Variants in TRIO observed in about 807,000 individuals in gnomAD.
TRIO encodes triple functional domain protein.
TRIO carries 58 observed loss-of-function variants against 351.9 expected under a neutral mutation model. The observed-to-expected ratio is 0.16, with a 90% CI of 0.13 to 0.21. The LOEUF (loss-of-function observed/expected upper bound fraction) is 0.21, where lower values mean the gene tolerates loss of function less well. TRIO is among the 10% of genes least tolerant of loss of function. The pLI, the probability that TRIO is intolerant of heterozygous loss-of-function variation, is 1.00. For missense variants in TRIO, 3,201 were observed against 4,027.8 expected (o/e 0.79, Z 5.56); for synonymous variants, 1,758 against 1,595.7 (o/e 1.10, Z -2.42).
intron 34 of TRIO, chr5:14,420,234 T>A: frequency 1.5e-6 from 1 of 671,700 alleles, no homozygotes; most frequent in Non-Finnish European, 2.4e-6. Flanking sequence ...ATGAGTGATC[T>A]CCTCACTTCC....
chr5:14,345,394 T>C (rs1742330472), intron 11 of TRIO, among the ~76,000 whole-genome samples: 1 of 152,238 alleles, frequency 6.6e-6, no homozygotes, highest in Non-Finnish European at 1.5e-5. Context: ...TTTTATAGTT[T>C]CTTGCTGAGG....
intron 41 of TRIO, among the ~76,000 whole-genome samples, chr5:14,478,208 A>G (rs1755232941): frequency 6.6e-6 from 1 of 152,358 alleles, no homozygotes; most frequent in Middle Eastern, 3.4e-3. Flanking sequence ...AAGAATGTTA[A>G]AAACGTGTAT....
intron 16 of TRIO, among the ~76,000 whole-genome samples, chr5:14,367,541 C>G (rs936608887): frequency 2.6e-5 from 4 of 152,176 alleles, no homozygotes; most frequent in Non-Finnish European, 1.5e-5. Flanking sequence ...CCAGAACTGT[C>G]GCAAAATGAC....
chr5:14,313,773 C>A (rs1481216370), intron 8 of TRIO, among the ~76,000 whole-genome samples: 1 of 152,184 alleles, frequency 6.6e-6, no homozygotes, highest in Non-Finnish European at 1.5e-5. Flanking sequence ...TTCTTGGCGG[C>A]AAGGAGGAGG....
chr5:14,291,170 G>A lies in TRIO; in HGVS notation c.995G>A (p.Arg332Lys). The stretch of plus-strand genomic sequence containing the variant: ...CATCTGCACCAGATGTGGCATGTGA[G>A]GAAGCTGAAGCTGGACCAGTGCTTC... ...RQHLHQMWHV[R>K]KLKLDQCFQL... is the part of the protein sequence containing the mutation. Residue 332 changes from arginine (R) to lysine (K), a missense_variant, in exon 5 of 57, where the codon AGG (arginine) becomes AAG (lysine). Arg to Lys is a conservative substitution (Grantham distance 26). Around this residue, in one of 19 missense-constraint regions of TRIO, gnomAD observed 349 missense variants for 449.3 expected, o/e 0.78. Transcript: ENST00000344204. 6.2e-7 allele frequency: 1 copy of A among 1,614,206 alleles called. No homozygotes were observed. Among genetic ancestry groups the A allele is most frequent in the Non-Finnish European group, 8.5e-7 (1 of 1,180,036 alleles).
intron 18 of TRIO, among the ~76,000 whole-genome samples, chr5:14,373,835 G>C (rs190542511): frequency 6.6e-6 from 1 of 152,326 alleles, no homozygotes; most frequent in Admixed American, 6.5e-5. Context: ...ACCCTACGTA[G>C]AAATCCAGGC....
intron 1 of TRIO, among the ~76,000 whole-genome samples, chr5:14,251,412 A>T (rs1581448657): frequency 6.6e-6 from 1 of 152,224 alleles, no homozygotes; most frequent in Non-Finnish European, 1.5e-5. Context: ...AAATCATGGC[A>T]CCCAAATCCG....
intron 1 of TRIO, among the ~76,000 whole-genome samples, chr5:14,265,671 C>T (rs1425118718): frequency 6.6e-6 from 1 of 152,160 alleles, no homozygotes; most frequent in Non-Finnish European, 1.5e-5. Context: ...TTCTGGTCAT[C>T]AGTGACTAGC....
chr5:14,336,329 C>G (rs1383284427), intron 10 of TRIO, among the ~76,000 whole-genome samples: 1 of 152,136 alleles, frequency 6.6e-6, no homozygotes, highest in East Asian at 1.9e-4. Flanking sequence ...ATATGGGGTT[C>G]AAAGTTTAAC....
intron 1 of TRIO, among the ~76,000 whole-genome samples, chr5:14,184,907 G>A (rs1042219543): frequency 6.6e-6 from 1 of 152,078 alleles, no homozygotes; most frequent in African/African-American, 2.4e-5. Flanking sequence ...CACGTTTAGT[G>A]TTCTCACTCC....
In TRIO at chr5:14,270,798, A is replaced by AT. The variant is rs761432083; in HGVS notation, c.158-23dup. 1.3e-5 allele frequency: 20 copies of AT among 1,599,610 alleles called. No homozygotes were observed. The South Asian group carries it at 2.0e-4, about 16-fold the overall frequency. ...TAACTGTCACTCTGGCAACCCAGTAATTTTATTTTCTCCTTCTGTATTTCA... is the reference window on the plus strand; with the variant it reads ...TAACTGTCACTCTGGCAACCCAGTAATTTTTATTTTCTCCTTCTGTATTTCA... On this transcript the variant is annotated intron_variant, in intron 1 of 56. Coordinates refer to ENST00000344204, the MANE Select transcript of TRIO (RefSeq NM_007118.4).
Position 14,488,221 on chromosome 5 carries a change from G to A in TRIO, c.7593G>A (p.Ser2531=), listed in dbSNP as rs267600468. 3.1e-6 allele frequency: 5 copies of A among 1,589,842 alleles called. No individual in the cohort carries two copies. The highest frequency in any genetic ancestry group is 1.1e-5 in the South Asian group (1 of 89,468). The stretch of plus-strand genomic sequence containing the variant: ...CTGACCGCATGAGCACGTGCTCCTC[G>A]GCCAGCGAGCAGTCCGTGCAGTCCA... ...KDTDRMSTCS[S]ASEQSVQSTQ... The change falls in exon 48 of 57, where the codon TCG becomes TCA. Residue 2531 remains serine (S), a synonymous_variant. Transcript: ENST00000344204.
At chr5:14,297,841 T>C (rs938782797) in intron 7 of TRIO, among the ~76,000 whole-genome samples, 5 of 152,152 alleles carry the variant, frequency 3.3e-5, no homozygotes, top group Non-Finnish European at 1.5e-5. Context: ...GCAGCACACC[T>C]CAGCTCCACG....
chr5:14,423,789 G>A (rs908099902), intron 34 of TRIO, among the ~76,000 whole-genome samples: 4 of 152,198 alleles, frequency 2.6e-5, no homozygotes, highest in African/African-American at 7.2e-5. Context: ...ACCCTGTCCT[G>A]GGGAGGGCCT....
intron 18 of TRIO, 93 bp downstream of exon 18, chr5:14,369,616 C>A: frequency 2.8e-6 from 4 of 1,438,020 alleles, no homozygotes; most frequent in Non-Finnish European, 3.7e-6. Flanking sequence ...GGGAGCCTGC[C>A]CCACACCTCT....
chr5:14,194,555 G>T (rs1033298214), intron 1 of TRIO, among the ~76,000 whole-genome samples: 1 of 152,200 alleles, frequency 6.6e-6, no homozygotes, highest in Non-Finnish European at 1.5e-5. Flanking sequence ...TTGAAATTCA[G>T]TGAAATCCAT....
chr5:14,424,879 C>G (rs1334680000), intron 34 of TRIO, among the ~76,000 whole-genome samples: 1 of 152,208 alleles, frequency 6.6e-6, no homozygotes, highest in Non-Finnish European at 1.5e-5. Context: ...TCTCCAAGCT[C>G]TCTCCCAAGG....
intron 1 of TRIO, among the ~76,000 whole-genome samples, chr5:14,162,859 T>C (rs1187518494): frequency 6.6e-6 from 1 of 152,212 alleles, no homozygotes; most frequent in South Asian, 2.1e-4. Context: ...CAGGCTGGCA[T>C]GCAGTGGCAC....
At position 14,145,356 on chromosome 5, in the gene TRIO, G is replaced by C. The variant is rs186084885; in HGVS notation, c.157+1474G>C. Among the ~76,000 whole-genome samples, 155 of 152,264 alleles carry C rather than the reference G, an allele frequency of 1.0e-3. 1 individual carries two copies. Among genetic ancestry groups the C allele is most frequent in the African/African-American group, 3.6e-3 (151 of 41,542 alleles). On this transcript the variant is annotated intron_variant, in intron 1 of 56. Transcript: ENST00000344204. ...ATTTTTGATTCATTTTAGCAGATTG[G>C]TTGTGGCTGGGAGTGACACAGCCGA...
Sources: gnomAD v4.1 joint callset for allele counts (sites outside exome capture counted in the v4.1 genomes callset) on GRCh38, gnomAD v4.1.1 for gene constraint, gnomAD v4.1.1 regional missense constraint, MANE v1.5 for transcripts, NCBI Gene and HGNC (gene_info 2026-07-23, HGNC 2026-07-21) for gene names.